Variants in BBS12 observed in about 807,000 individuals in gnomAD.
BBS12 encodes the protein Bardet-Biedl syndrome 12.
A neutral mutation model predicts 5.6 loss-of-function variants in BBS12; 5 were observed. The observed-to-expected ratio is 0.89, with a 90% CI of 0.46 to 1.86. BBS12 has a LOEUF of 1.86. Ranked by LOEUF, BBS12 falls within the 40% of genes most tolerant of loss-of-function variation. The probability of loss-of-function intolerance (pLI) is 0.01; values close to 1 mark genes in which losing one functional copy is unlikely to be tolerated. For missense variants in BBS12, 748 were observed against 830.4 expected (o/e 0.90, Z 1.22); for synonymous variants, 308 against 306.8 (o/e 1.00, Z -0.04).
At chr4:122,718,761 A>AATG in the BBS12 span, among the ~76,000 whole-genome samples, 1 of 150,656 alleles carries the variant, frequency 6.6e-6, no homozygotes, top group African/African-American at 2.5e-5. Flanking sequence ...AATGAAATGA[A>AATG]AAAGGTCATC....
chr4:122,729,034 G>C (rs1800663290), upstream of BBS12: 1 of 152,278 alleles, frequency 6.6e-6, no homozygotes, highest in Admixed American at 6.5e-5. Flanking sequence ...GACAGAGCAA[G>C]ATCAGCTTCC....
At chr4:122,701,451 G>A in the BBS12 span, among the ~76,000 whole-genome samples, 32 of 152,186 alleles carry the variant, frequency 2.1e-4, no homozygotes, top group Non-Finnish European at 3.5e-4. Flanking sequence ...AAAGACCTAC[G>A]TTTTATACAT....
chr4:122,716,593 GTATGTATACACACATGTGTGTA>G, the BBS12 span, among the ~76,000 whole-genome samples: 37 of 132,206 alleles, frequency 2.8e-4, 1 homozygote, highest in Middle Eastern at 4.2e-3. Context: ...ATACACATAT[GTATGTATACACACATGTGTGTA>G]TATGCACATA....
the BBS12 span, among the ~76,000 whole-genome samples, chr4:122,723,266 C>T: frequency 6.6e-6 from 1 of 152,076 alleles, no homozygotes; most frequent in Non-Finnish European, 1.5e-5. Flanking sequence ...ACCTCACAAA[C>T]CAAGTTTGGA....
the BBS12 span, among the ~76,000 whole-genome samples, chr4:122,716,656 TGC>T: frequency 1.3e-5 from 1 of 78,030 alleles, no homozygotes; most frequent in African/African-American, 4.6e-5. Context: ...TGTGTGTATA[TGC>T]ACATACACAT....
chr4:122,709,064 CGT>C, the BBS12 span, among the ~76,000 whole-genome samples: 37 of 150,950 alleles, frequency 2.5e-4, no homozygotes, highest in Middle Eastern at 3.5e-3. Context: ...TCTGTGTAGA[CGT>C]GTGTGTGTGT....
the BBS12 span, among the ~76,000 whole-genome samples, chr4:122,709,845 G>T: frequency 6.6e-6 from 1 of 151,888 alleles, no homozygotes; most frequent in South Asian, 2.1e-4. Flanking sequence ...TAGTAGAGAC[G>T]GGATTTCACC....
chr4:122,719,133 T>C, the BBS12 span, among the ~76,000 whole-genome samples: 1 of 152,182 alleles, frequency 6.6e-6, no homozygotes, highest in Non-Finnish European at 1.5e-5. Context: ...TTTAGTTTCA[T>C]ATGCCCAAGA....
At chr4:122,711,983 T>G in the BBS12 span, among the ~76,000 whole-genome samples, 3 of 152,112 alleles carry the variant, frequency 2.0e-5, no homozygotes, top group African/African-American at 7.2e-5. Context: ...GGCAAATTGG[T>G]CTCTCTCTCA....
chr4:122,712,361 T>C, the BBS12 span, among the ~76,000 whole-genome samples: 1 of 152,234 alleles, frequency 6.6e-6, no homozygotes, highest in African/African-American at 2.4e-5. Context: ...TGCAGCATAA[T>C]GGGAGAGATC....
the BBS12 span, among the ~76,000 whole-genome samples, chr4:122,703,144 GT>G: frequency 6.6e-6 from 1 of 151,040 alleles, no homozygotes; most frequent in Non-Finnish European, 1.5e-5. Flanking sequence ...CTTGTTTGCT[GT>G]TTCCAGAGGA....
rs1800946998 is a variant in BBS12 at position 122,744,049 on chromosome 4, A to G, written c.*24A>G. The stretch of plus-strand genomic sequence containing the variant: ...AGTGTTACTGGCTAAGTCTTTGGAA[A>G]ATAATTTTTCATAATATGTCATGCT... On this transcript the variant is annotated 3_prime_UTR_variant, in exon 2 of 2. Transcript: ENST00000314218. The G allele has an allele frequency of 6.3e-7, 1 of 1,595,166 alleles. No homozygotes were observed. The highest frequency in any genetic ancestry group is 1.7e-5 in the Admixed American group (1 of 59,916).
the BBS12 span, among the ~76,000 whole-genome samples, chr4:122,718,202 G>A: frequency 5.3e-5 from 8 of 152,054 alleles, no homozygotes; most frequent in Non-Finnish European, 1.2e-4. Context: ...TAAGACACCA[G>A]GAATGAAAGA....
the BBS12 span, among the ~76,000 whole-genome samples, chr4:122,707,660 A>C: frequency 0.039 from 5,953 of 152,222 alleles, 406 homozygotes; most frequent in African/African-American, 0.13. Context: ...GGCCAATGGA[A>C]GCCTCCACCC....
At chr4:122,703,291 C>T in the BBS12 span, among the ~76,000 whole-genome samples, 3 of 151,692 alleles carry the variant, frequency 2.0e-5, no homozygotes, top group African/African-American at 7.3e-5. Context: ...TCTTCATGGA[C>T]TTGGATTGCC....
chr4:122,734,016 G>A (rs941008645), intron 1 of BBS12: 6 of 151,938 alleles, frequency 3.9e-5, no homozygotes, highest in Admixed American at 1.3e-4. Flanking sequence ...AGCCTGTCTT[G>A]TTCATATTAT....
chr4:122,727,306 G>A, the BBS12 span, among the ~76,000 whole-genome samples: 1 of 152,130 alleles, frequency 6.6e-6, no homozygotes, highest in East Asian at 1.9e-4. Flanking sequence ...GTGCAGTGGT[G>A]CGATCTCTGC....
the BBS12 span, among the ~76,000 whole-genome samples, chr4:122,701,883 T>G: frequency 1.3e-5 from 2 of 152,300 alleles, no homozygotes; most frequent in East Asian, 3.9e-4. Context: ...CTGGAGCTTA[T>G]CACATTCTCC....
At chr4:122,741,353 A>G (rs1800868393) in intron 1 of BBS12, among the ~76,000 whole-genome samples, 2 of 152,080 alleles carry the variant, frequency 1.3e-5, no homozygotes, top group African/African-American at 4.8e-5. Context: ...CACCCGGCCA[A>G]TTTTTGTATT....
Sources: gnomAD v4.1 joint callset for allele counts (sites outside exome capture counted in the v4.1 genomes callset) on GRCh38, gnomAD v4.1.1 for gene constraint, MANE v1.5 for transcripts, NCBI Gene and HGNC (gene_info 2026-07-23, HGNC 2026-07-21) for gene names.